The following KIF13A variants were observed in gnomAD, a reference collection of about 807,000 sequenced individuals.
KIF13A encodes the protein kinesin-like protein KIF13A.
Under a neutral mutation model 212.2 loss-of-function variants are expected in KIF13A, and 79 were observed. The observed-to-expected ratio is 0.37, with a 90% CI of 0.31 to 0.45. The LOEUF (loss-of-function observed/expected upper bound fraction) is 0.45, where lower values mean the gene tolerates loss of function less well. Among genes scored for constraint, KIF13A ranks in the 20% least tolerant of loss-of-function variants. KIF13A has a pLI of 1.00. For missense variants in KIF13A, 1,901 were observed against 2,209.0 expected (o/e 0.86, Z 2.79); for synonymous variants, 789 against 808.6 (o/e 0.98, Z 0.41).
At chr6:17,851,852 GTATCATTCTGCTA>G in intron 7 of KIF13A, 90 bp downstream of exon 7, 1 of 517,888 alleles carries the variant, frequency 1.9e-6, no homozygotes, top group Non-Finnish European at 3.3e-6. Context: ...GCCCTGAGTA[GTATCATTCTGCTA>G]TAAAGCATCC....
At chr6:17,767,074 T>C (rs142091689) in intron 38 of KIF13A, among the ~76,000 whole-genome samples, 92 of 152,240 alleles carry the variant, frequency 6.0e-4, no homozygotes, top group African/African-American at 1.8e-3. Flanking sequence ...CACTAATCTC[T>C]TCTCATCTTT....
chr6:17,823,554 G>A (rs750807347), intron 16 of KIF13A, among the ~76,000 whole-genome samples: 3 of 151,366 alleles, frequency 2.0e-5, no homozygotes, highest in Admixed American at 6.6e-5. Flanking sequence ...TGCAACCTCC[G>A]CCTCTCAGGT....
chr6:17,813,948 C>CTTT (rs36144211), intron 17 of KIF13A, among the ~76,000 whole-genome samples: 37 of 90,722 alleles, frequency 4.1e-4, no homozygotes, highest in Non-Finnish European at 5.4e-4. Flanking sequence ...TAAGGTGCTG[C>CTTT]TTTTTTTTTT....
At chr6:17,868,735 G>T (rs778904877) in intron 4 of KIF13A, among the ~76,000 whole-genome samples, 1 of 151,506 alleles carries the variant, frequency 6.6e-6, no homozygotes, top group African/African-American at 2.4e-5. Context: ...GGGCACAGTC[G>T]CTCATGCCTG....
intron 4 of KIF13A, among the ~76,000 whole-genome samples, chr6:17,867,427 G>T (rs761358221): frequency 1.1e-4 from 17 of 152,140 alleles, no homozygotes; most frequent in Non-Finnish European, 1.9e-4. Context: ...GCAACTACTA[G>T]CATTGCTCAT....
At chr6:17,815,224 A>G (rs900950933) in intron 17 of KIF13A, among the ~76,000 whole-genome samples, 1 of 152,208 alleles carries the variant, frequency 6.6e-6, no homozygotes, top group African/African-American at 2.4e-5. Context: ...TGCTATCGAG[A>G]AGGCAGAGCC....
chr6:17,942,111 G>A (rs568110500), intron 2 of KIF13A, among the ~76,000 whole-genome samples: 6 of 152,002 alleles, frequency 3.9e-5, no homozygotes, highest in Admixed American at 2.0e-4. Context: ...GACCAGCCTG[G>A]ACAACATGGC....
At chr6:17,853,255 G>A (rs1400375779) in intron 6 of KIF13A, among the ~76,000 whole-genome samples, 2 of 152,058 alleles carry the variant, frequency 1.3e-5, no homozygotes, top group Admixed American at 1.3e-4. Flanking sequence ...GAGCTACTTA[G>A]ATGCACACGA....
chr6:17,917,807 C>T (rs915244514), intron 2 of KIF13A, among the ~76,000 whole-genome samples: 1 of 152,166 alleles, frequency 6.6e-6, no homozygotes. Context: ...TTGGGATAAA[C>T]AAATACCAAG....
At chr6:17,939,273 T>C (rs1181620464) in intron 2 of KIF13A, among the ~76,000 whole-genome samples, 2 of 152,218 alleles carry the variant, frequency 1.3e-5, no homozygotes, top group African/African-American at 4.8e-5. Flanking sequence ...CAGTAACAGA[T>C]GTTTCAGTGC....
chr6:17,975,121 A>G (rs1294042438), intron 2 of KIF13A, among the ~76,000 whole-genome samples: 2 of 152,186 alleles, frequency 1.3e-5, no homozygotes, highest in Non-Finnish European at 1.5e-5. Flanking sequence ...AGGAGGGCAG[A>G]TCATTTGAGG....
At chr6:17,978,458 G>C (rs1316045344) in intron 2 of KIF13A, among the ~76,000 whole-genome samples, 1 of 152,136 alleles carries the variant, frequency 6.6e-6, no homozygotes, top group African/African-American at 2.4e-5. Flanking sequence ...CTAAATTTTA[G>C]CATTTCCATT....
intron 2 of KIF13A, among the ~76,000 whole-genome samples, chr6:17,937,502 G>A (rs923731077): frequency 1.2e-4 from 18 of 152,130 alleles, no homozygotes; most frequent in Non-Finnish European, 2.1e-4. Flanking sequence ...TAATTGTGTC[G>A]TCTGGAAAAA....
rs960814717 is a variant in KIF13A, at chr6:17,911,197, C to G, written c.147-13017G>C. On this transcript the variant is annotated intron_variant, in intron 2 of 38. Transcript: ENST00000259711. The stretch of plus-strand genomic sequence containing the variant: ...TTTGAATTAGTATTTTTCTTTCTGC[C>G]CTGTGCACATTATCTGGCACTCAGC... Among the ~76,000 whole-genome samples, 3 of 152,222 alleles carry G rather than the reference C, an allele frequency of 2.0e-5. No individual in the cohort carries two copies. The East Asian group carries it at 5.8e-4, about 29-fold the overall frequency.
chr6:17,805,607 T>C lies in KIF13A; in HGVS notation c.2172A>G (p.Ala724=). Residue 724 remains alanine (A), a synonymous_variant, in exon 19 of 39, where the codon GCA becomes GCG. Transcript: ENST00000259711. ...ANLSANRKRG[A]IVSEPAIQVR... ...CTTGGATAGCTGGTTCACTCACTAT[T>C]GCACCTCTCTGCATAAGGAAGAAAA... 6.2e-7 allele frequency: 1 copy of C among 1,603,666 alleles called. No homozygotes were observed. The highest frequency in any genetic ancestry group is 8.5e-7 in the Non-Finnish European group (1 of 1,174,136).
At chr6:17,845,817 A>G (rs1480050691) in intron 9 of KIF13A, among the ~76,000 whole-genome samples, 2 of 152,198 alleles carry the variant, frequency 1.3e-5, no homozygotes, top group Non-Finnish European at 2.9e-5. Context: ...CAGTGTCTTA[A>G]TTCTTTAATG....
intron 29 of KIF13A, among the ~76,000 whole-genome samples, chr6:17,781,623 G>GTTTTTTTTT (rs776138365): frequency 9.3e-6 from 1 of 107,088 alleles, no homozygotes; most frequent in Non-Finnish European, 1.8e-5. Flanking sequence ...CTGTACTTGG[G>GTTTTTTTTT]TTTTTTTTTT....
intron 2 of KIF13A, among the ~76,000 whole-genome samples, chr6:17,975,424 G>A (rs1040233745): frequency 6.6e-6 from 1 of 152,070 alleles, no homozygotes; most frequent in East Asian, 1.9e-4. Flanking sequence ...CTTTTGGTGG[G>A]TTCGTGATCT....
rs188210613 is a variant in KIF13A at position 17,963,277 on chromosome 6, G to A, written c.146+23777C>T. On this transcript the variant is annotated intron_variant, in intron 2 of 38. Coordinates refer to ENST00000259711, the MANE Select transcript of KIF13A (RefSeq NM_022113.6). This position sits in a 1 kb window ranked among gnomAD's most constrained non-coding sequence, Gnocchi z 4.1. The stretch of plus-strand genomic sequence containing the variant: ...TACTAAAAATACAAAAATTAGCTGG[G>A]CATGGTGGCGGGCGCCTGTAGTCCC... Among the ~76,000 whole-genome samples, 387 of 152,236 alleles carry A rather than the reference G, an allele frequency of 2.5e-3. 2 individuals are homozygous for A. Among genetic ancestry groups the A allele is most frequent in the African/African-American group, 8.8e-3 (366 of 41,556 alleles).
Sources: gnomAD v4.1 joint callset for allele counts (sites outside exome capture counted in the v4.1 genomes callset) on GRCh38, gnomAD v4.1.1 for gene constraint, Gnocchi (gnomAD v3.1) non-coding constraint, MANE v1.5 for transcripts, NCBI Gene and HGNC (gene_info 2026-07-23, HGNC 2026-07-21) for gene names.